DAB1: variants seen among roughly 807,000 people sequenced by gnomAD.
The protein encoded by DAB1 is DAB adaptor protein 1.
DAB1 carries 15 observed loss-of-function variants against 64.6 expected under a neutral mutation model. The observed-to-expected ratio is 0.23, with a 90% CI of 0.16 to 0.36. The LOEUF is 0.36. DAB1 is among the 10% of genes least tolerant of loss of function. The pLI, the probability that DAB1 is intolerant of heterozygous loss-of-function variation, is 1.00. For synonymous variants in DAB1, 235 were observed against 251.9 expected, an observed-to-expected ratio of 0.93 and a Z score of 0.64; for missense variants, 596 against 706.7, an observed-to-expected ratio of 0.84 and a Z score of 1.78.
chr1:57,226,672 A>AAAAAATATATATATATATATATATAT (rs747021990), intron 2 of DAB1, among the ~76,000 whole-genome samples: 3 of 136,012 alleles, frequency 2.2e-5, no homozygotes, highest in African/African-American at 9.3e-5. Context: ...TTAAAAAAAA[A>AAAAAATATATATATATATATATATAT]ATATATATAT....
chr1:57,105,981 G>A (rs1384677593), intron 4 of DAB1, among the ~76,000 whole-genome samples: 1 of 152,022 alleles, frequency 6.6e-6, no homozygotes, highest in Admixed American at 6.6e-5. Flanking sequence ...TCCTGTCTTG[G>A]GTGAGGCCAA....
intron 5 of DAB1, among the ~76,000 whole-genome samples, chr1:58,086,053 T>C (rs7553897): frequency 0.27 from 38,168 of 141,728 alleles, 6,171 homozygotes; most frequent in East Asian, 0.5. Flanking sequence ...AAGCTCCGCC[T>C]CCCAGGTTCA....
chr1:57,578,156 T>C (rs1326949844), intron 7 of DAB1, among the ~76,000 whole-genome samples: 1 of 152,218 alleles, frequency 6.6e-6, no homozygotes, highest in Non-Finnish European at 1.5e-5. Context: ...AAATCAAAAT[T>C]GTGCCAGAGG....
intron 7 of DAB1, among the ~76,000 whole-genome samples, chr1:57,440,916 G>T (rs1466236356): frequency 1.3e-5 from 2 of 152,128 alleles, no homozygotes; most frequent in Admixed American, 6.5e-5. Flanking sequence ...GTGCAGGTTT[G>T]TTACGTGGGT....
chr1:57,914,765 A>C (rs574653723), intron 5 of DAB1, among the ~76,000 whole-genome samples: 1 of 152,336 alleles, frequency 6.6e-6, no homozygotes, highest in East Asian at 1.9e-4. Context: ...ATTTGTAAAA[A>C]ATCCACTCAA....
chr1:57,956,261 A>C (rs1439571051), intron 5 of DAB1, among the ~76,000 whole-genome samples: 1 of 152,152 alleles, frequency 6.6e-6, no homozygotes, highest in African/African-American at 2.4e-5. Context: ...AGGGAAGGGA[A>C]TCCTAGGGGA....
upstream of DAB1, among the ~76,000 whole-genome samples, chr1:57,884,542 C>T (rs1326297596): frequency 6.6e-6 from 1 of 152,138 alleles, no homozygotes; most frequent in Non-Finnish European, 1.5e-5. Flanking sequence ...AGGATAAATA[C>T]CTTAAAGCAG....
At chr1:57,729,201 G>T (rs1434270389) in intron 6 of DAB1, among the ~76,000 whole-genome samples, 1 of 152,206 alleles carries the variant, frequency 6.6e-6, no homozygotes, top group African/African-American at 2.4e-5. Flanking sequence ...CCCTGGTGTG[G>T]GGCAACGGTT....
intron 3 of DAB1, among the ~76,000 whole-genome samples, chr1:58,433,050 A>C (rs2100244609): frequency 6.6e-6 from 1 of 152,288 alleles, no homozygotes; most frequent in South Asian, 2.1e-4. Flanking sequence ...TGTGTGGATA[A>C]TGAGGTTGTA....
intron 2 of DAB1, among the ~76,000 whole-genome samples, chr1:57,154,435 A>T (rs1284950910): frequency 6.6e-6 from 1 of 152,236 alleles, no homozygotes; most frequent in Non-Finnish European, 1.5e-5. Flanking sequence ...TTATCCATTC[A>T]TCTGTTGATG....
chr1:57,539,657 A>C (rs1644777308), intron 7 of DAB1, among the ~76,000 whole-genome samples: 1 of 152,196 alleles, frequency 6.6e-6, no homozygotes, highest in Non-Finnish European at 1.5e-5. Flanking sequence ...TTTCTGCCAA[A>C]GGGGGAAATC....
At chr1:57,652,708 T>C (rs978693939) in intron 6 of DAB1, among the ~76,000 whole-genome samples, 3 of 152,236 alleles carry the variant, frequency 2.0e-5, no homozygotes, top group African/African-American at 7.2e-5. Flanking sequence ...TAAATTTTGA[T>C]CTTTTTAAAG....
chr1:57,225,886 A>C (rs1411327034), intron 2 of DAB1, among the ~76,000 whole-genome samples: 1 of 152,108 alleles, frequency 6.6e-6, no homozygotes. Flanking sequence ...ATTAACTTTT[A>C]ATAATAATGT....
chr1:57,322,796 C>T (rs1188210071), intron 1 of DAB1, among the ~76,000 whole-genome samples: 1 of 152,144 alleles, frequency 6.6e-6, no homozygotes, highest in East Asian at 1.9e-4. Flanking sequence ...TTAGAAAATG[C>T]TAACCTGGAG....
chr1:57,110,819 C>T (rs553321135), intron 4 of DAB1, among the ~76,000 whole-genome samples: 1 of 152,180 alleles, frequency 6.6e-6, no homozygotes, highest in African/African-American at 2.4e-5. Flanking sequence ...TATAGCTATG[C>T]CCACTCGCAG....
chr1:58,079,339 G>A (rs1010745403), intron 5 of DAB1, among the ~76,000 whole-genome samples: 2 of 151,990 alleles, frequency 1.3e-5, no homozygotes, highest in South Asian at 4.2e-4. Context: ...CATTTGGAGT[G>A]CTCATTATTA....
chr1:58,222,228 C>T (rs1176858747), intron 4 of DAB1, among the ~76,000 whole-genome samples: 2 of 151,970 alleles, frequency 1.3e-5, no homozygotes, highest in Admixed American at 1.3e-4. Context: ...TCTGACATAC[C>T]TTGGGCAAGA....
intron 7 of DAB1, among the ~76,000 whole-genome samples, chr1:57,454,741 A>G (rs1415473944): frequency 6.6e-6 from 1 of 152,108 alleles, no homozygotes; most frequent in East Asian, 1.9e-4. Context: ...AGTTCTCTAG[A>G]CCGGGAGGAA....
chr1:58,300,534 T>C (rs1312007111), intron 4 of DAB1, among the ~76,000 whole-genome samples: 1 of 100,304 alleles, frequency 1.0e-5, no homozygotes, highest in African/African-American at 4.3e-5. Context: ...GCAACAAAAG[T>C]GAAACTCTGA....
Sources: allele counts gnomAD v4.1 joint callset (sites outside exome capture counted in the v4.1 genomes callset), GRCh38; gene constraint gnomAD v4.1.1; transcripts MANE v1.5; gene names NCBI Gene and HGNC (gene_info 2026-07-23, HGNC 2026-07-21).